PPP2R5E: variants seen among roughly 807,000 people sequenced by gnomAD.
PPP2R5E encodes the protein protein phosphatase 2 regulatory subunit B'epsilon.
Under a neutral mutation model 65.3 loss-of-function variants are expected in PPP2R5E, and 4 were observed. The observed-to-expected ratio is 0.06, with a 90% CI of 0.03 to 0.14. The LOEUF (loss-of-function observed/expected upper bound fraction) is 0.14. Ranked by LOEUF, PPP2R5E falls within the 10% of genes least tolerant of loss-of-function variation. The pLI, the probability that PPP2R5E is intolerant of heterozygous loss-of-function variation, is 1.00. For missense variants in PPP2R5E, 274 were observed against 556.1 expected, an observed-to-expected ratio of 0.49 and a Z score of 5.10; for synonymous variants, 183 against 187.4, an observed-to-expected ratio of 0.98 and a Z score of 0.19.
rs551753963 is a variant in PPP2R5E at position 63,538,838 on chromosome 14, G to A, written c.157+691C>T. ...CGGGCACCTGTGCTCCCAGCTACTC[G>A]GGAAGCTGAGGCAGGAAAATCACTT... On this transcript the variant is annotated intron_variant, in intron 2 of 13. Transcript: ENST00000337537. Among the ~76,000 whole-genome samples, 13 of 151,834 alleles carry A rather than the reference G, an allele frequency of 8.6e-5. 2 individuals carry two copies. Among genetic ancestry groups the A allele is most frequent in the African/African-American group, 2.7e-4 (11 of 41,448 alleles).
intron 2 of PPP2R5E, chr14:63,508,127 G>C: frequency 3.1e-6 from 3 of 981,368 alleles, no homozygotes; most frequent in Non-Finnish European, 2.4e-6. Flanking sequence ...CTACACACAC[G>C]AGTGTTCTCT....
At chr14:63,405,612 T>C (rs1480831995) in intron 5 of PPP2R5E, among the ~76,000 whole-genome samples, 1 of 152,224 alleles carries the variant, frequency 6.6e-6, no homozygotes, top group Non-Finnish European at 1.5e-5. Context: ...CTGACTGTTT[T>C]TCAGATTTGC....
intron 3 of PPP2R5E, among the ~76,000 whole-genome samples, chr14:63,439,215 C>T (rs1888084136): frequency 6.6e-6 from 1 of 152,098 alleles, no homozygotes; most frequent in Non-Finnish European, 1.5e-5. Context: ...TTTAACAATG[C>T]TTACCACAGT....
intron 2 of PPP2R5E, among the ~76,000 whole-genome samples, chr14:63,486,081 C>T (rs550179222): frequency 1.7e-4 from 26 of 152,156 alleles, no homozygotes; most frequent in African/African-American, 6.0e-4. Context: ...CTGCCCACCT[C>T]GGCCTCCCAA....
At chr14:63,409,276 G>A (rs1335774398) in intron 5 of PPP2R5E, among the ~76,000 whole-genome samples, 1 of 151,472 alleles carries the variant, frequency 6.6e-6, no homozygotes, top group Non-Finnish European at 1.5e-5. Flanking sequence ...GTTTGGTGGT[G>A]CACGTCTGTA....
Position 63,372,209 on chromosome 14 carries a change from C to T in PPP2R5E, c.*3800G>A, listed in dbSNP as rs527794190. 1 of 152,230 alleles carries T rather than the reference C, an allele frequency of 6.6e-6. No individual in the cohort carries two copies. Among genetic ancestry groups the T allele is most frequent in the South Asian group, 2.1e-4 (1 of 4,828 alleles). 9.4% of individuals were successfully genotyped at this position (152,230 alleles called of 1,614,324 possible). ...GAGATACTACTGCTGCTATCGTGCA[C>T]AAGAAGCAGCACAAATTAACATTCC... On this transcript the variant is annotated 3_prime_UTR_variant, in exon 14 of 14. Coordinates refer to ENST00000337537, the MANE Select transcript of PPP2R5E (RefSeq NM_006246.5).
At chr14:63,450,980 G>C (rs527466552) in intron 3 of PPP2R5E, among the ~76,000 whole-genome samples, 1 of 152,088 alleles carries the variant, frequency 6.6e-6, no homozygotes, top group Non-Finnish European at 1.5e-5. Context: ...GGAAATAAAG[G>C]CTATTTAAAT....
chr14:63,493,131 T>A (rs1891362628), intron 2 of PPP2R5E, among the ~76,000 whole-genome samples: 1 of 152,030 alleles, frequency 6.6e-6, no homozygotes, highest in Non-Finnish European at 1.5e-5. Context: ...GATAGTTGTA[T>A]GATAGAGCAC....
At chr14:63,537,236 TA>T (rs11435884) in intron 2 of PPP2R5E, among the ~76,000 whole-genome samples, 8 of 149,246 alleles carry the variant, frequency 5.4e-5, no homozygotes, top group Admixed American at 6.7e-5. Flanking sequence ...CTTCTAATTC[TA>T]AAAAAAAAAA....
At chr14:63,523,119 T>G (rs1255767) in intron 2 of PPP2R5E, among the ~76,000 whole-genome samples, 56,187 of 141,816 alleles carry the variant, frequency 0.4, 14,047 homozygotes, top group African/African-American at 0.74. Flanking sequence ...CAGCAGCCCC[T>G]TCCGGGAAGT....
At chr14:63,540,345 C>T (rs548663430) in intron 1 of PPP2R5E, among the ~76,000 whole-genome samples, 2 of 150,060 alleles carry the variant, frequency 1.3e-5, no homozygotes, top group African/African-American at 4.9e-5. Flanking sequence ...AAGGGAGAAC[C>T]GCTTGAACCT....
At chr14:63,446,925 G>T (rs903907301) in intron 3 of PPP2R5E, among the ~76,000 whole-genome samples, 1 of 151,958 alleles carries the variant, frequency 6.6e-6, no homozygotes, top group Non-Finnish European at 1.5e-5. Flanking sequence ...TCAATGAGTA[G>T]TAATACTTTG....
chr14:63,441,545 C>T (rs1278622311), intron 3 of PPP2R5E, among the ~76,000 whole-genome samples: 1 of 152,202 alleles, frequency 6.6e-6, no homozygotes, highest in Admixed American at 6.5e-5. Context: ...GGTAAAATCG[C>T]GCTTAAACCA....
chr14:63,509,660 C>T (rs1892372702), intron 2 of PPP2R5E, among the ~76,000 whole-genome samples: 1 of 152,142 alleles, frequency 6.6e-6, no homozygotes, highest in Non-Finnish European at 1.5e-5. Context: ...TCTCATTATT[C>T]CAAATGTTAG....
chr14:63,432,039 CAA>C (rs5809200), intron 3 of PPP2R5E, among the ~76,000 whole-genome samples: 7,150 of 116,140 alleles, frequency 0.062, 572 homozygotes, highest in African/African-American at 0.18. Context: ...AAGGGAATAT[CAA>C]AAAAAAAAAA....
chr14:63,507,924 G>A (rs938582183), intron 2 of PPP2R5E, among the ~76,000 whole-genome samples: 3 of 152,184 alleles, frequency 2.0e-5, no homozygotes, highest in Middle Eastern at 3.2e-3. Flanking sequence ...GATTAGATAA[G>A]TTTGAGAAGC....
intron 2 of PPP2R5E, among the ~76,000 whole-genome samples, chr14:63,523,761 TA>T (rs1893072161): frequency 2.0e-5 from 3 of 147,362 alleles, no homozygotes; most frequent in Admixed American, 6.7e-5. Context: ...AAAAAAAAAT[TA>T]ATTTGATGAG....
chr14:63,464,425 A>G (rs1418084244), intron 2 of PPP2R5E, among the ~76,000 whole-genome samples: 2 of 152,146 alleles, frequency 1.3e-5, no homozygotes, highest in African/African-American at 4.8e-5. Flanking sequence ...TGTCTGGGGA[A>G]GAGTGTCCCA....
chr14:63,492,168 G>A (rs889978538), intron 2 of PPP2R5E, among the ~76,000 whole-genome samples: 4 of 151,984 alleles, frequency 2.6e-5, no homozygotes, highest in Non-Finnish European at 5.9e-5. Flanking sequence ...TATCTTAAAA[G>A]CACACTGATT....
Sources: gnomAD v4.1 joint callset for allele counts (sites outside exome capture counted in the v4.1 genomes callset) on GRCh38, gnomAD v4.1.1 for gene constraint, MANE v1.5 for transcripts, NCBI Gene and HGNC (gene_info 2026-07-23, HGNC 2026-07-21) for gene names.